The following LRRC37A2 variants were observed in gnomAD, a reference collection of about 807,000 sequenced individuals.
LRRC37A2 encodes leucine rich repeat containing 37 member A2, also known as leucine-rich repeat-containing protein 37A2.
A neutral mutation model predicts 68.8 loss-of-function variants in LRRC37A2; 9 were observed. The ratio of observed to expected loss-of-function variants is 0.13; its 90% CI spans 0.08 to 0.23. LRRC37A2 has a LOEUF of 0.23. Among genes scored for constraint, LRRC37A2 ranks in the 10% least tolerant of loss-of-function variants. The pLI, the probability that LRRC37A2 is intolerant of heterozygous loss-of-function variation, is 1.00. For synonymous variants in LRRC37A2, 63 were observed against 367.6 expected (o/e 0.17, Z 9.48); for missense variants, 168 against 950.4 (o/e 0.18, Z 10.82).
At chr17:47,006,757 G>A in the LRRC37A2 span, among the ~76,000 whole-genome samples, 3 of 152,174 alleles carry the variant, frequency 2.0e-5, no homozygotes, top group Non-Finnish European at 2.9e-5. Flanking sequence ...CCTTATCTTC[G>A]GTCTATGGGA....
At chr17:47,001,868 C>T in the LRRC37A2 span, among the ~76,000 whole-genome samples, 2 of 151,822 alleles carry the variant, frequency 1.3e-5, no homozygotes, top group Non-Finnish European at 1.5e-5. Context: ...ACTACAGGCA[C>T]CTGCCACCAC....
the LRRC37A2 span, among the ~76,000 whole-genome samples, chr17:46,867,518 G>A: frequency 2.6e-5 from 4 of 152,260 alleles, no homozygotes; most frequent in Non-Finnish European, 5.9e-5. Flanking sequence ...TGGGGCATGA[G>A]ATCCTTGGGC....
the LRRC37A2 span, among the ~76,000 whole-genome samples, chr17:46,896,405 AG>A: frequency 1.4e-5 from 1 of 72,070 alleles, no homozygotes; most frequent in African/African-American, 1.2e-4. Context: ...AAAGAAAGAA[AG>A]AAAGAAAGAA....
chr17:46,750,326 C>A, the LRRC37A2 span, among the ~76,000 whole-genome samples: 426 of 152,290 alleles, frequency 2.8e-3, 2 homozygotes, highest in African/African-American at 9.7e-3. Context: ...GCACTCCAGT[C>A]TGGGTGAGGG....
At chr17:46,865,450 G>A in the LRRC37A2 span, among the ~76,000 whole-genome samples, 18 of 152,278 alleles carry the variant, frequency 1.2e-4, no homozygotes, top group Admixed American at 6.5e-4. Context: ...CTCCAGCGGG[G>A]AAGTGTGGCC....
chr17:46,974,394 A>G, the LRRC37A2 span, among the ~76,000 whole-genome samples: 1 of 152,242 alleles, frequency 6.6e-6, no homozygotes, highest in Non-Finnish European at 1.5e-5. Context: ...TAAACAGGAA[A>G]TTAGAGGAGC....
At chr17:46,536,926 C>T (rs1430084080) in intron 6 of LRRC37A2, among the ~76,000 whole-genome samples, 1 of 8,882 alleles carries the variant, frequency 1.1e-4, no homozygotes, top group Non-Finnish European at 1.6e-4. Context: ...TTTTCCAAGG[C>T]GACTACTGAG....
the LRRC37A2 span, among the ~76,000 whole-genome samples, chr17:46,774,323 A>G: frequency 6.6e-6 from 1 of 152,252 alleles, no homozygotes; most frequent in Non-Finnish European, 1.5e-5. Flanking sequence ...CTGGGGCCAC[A>G]TGGACACTTC....
chr17:46,403,561 A>G, the LRRC37A2 span, among the ~76,000 whole-genome samples: 1 of 84,790 alleles, frequency 1.2e-5, no homozygotes, highest in Middle Eastern at 8.6e-3. Context: ...CCCAGAGTAT[A>G]GGAAGATTCT....
chr17:47,022,616 T>C, the LRRC37A2 span, among the ~76,000 whole-genome samples: 3 of 152,360 alleles, frequency 2.0e-5, no homozygotes, highest in African/African-American at 7.2e-5. Context: ...ACATACATAT[T>C]TACATAAAGC....
At chr17:46,922,869 T>C in the LRRC37A2 span, 5 of 457,572 alleles carry the variant, frequency 1.1e-5, no homozygotes, top group African/African-American at 2.0e-5. Context: ...TCAACTTTGC[T>C]CTGAGGACCT....
the LRRC37A2 span, among the ~76,000 whole-genome samples, chr17:46,781,322 G>A: frequency 6.6e-6 from 1 of 151,518 alleles, no homozygotes; most frequent in Admixed American, 6.6e-5. Context: ...ACAGAAGCCA[G>A]ACACGGAAGA....
the LRRC37A2 span, among the ~76,000 whole-genome samples, chr17:46,960,745 C>A: frequency 6.6e-6 from 1 of 152,014 alleles, no homozygotes; most frequent in African/African-American, 2.4e-5. Flanking sequence ...GTGTGAGAAG[C>A]CAGATGGAAA....
At chr17:46,858,937 G>T in the LRRC37A2 span, among the ~76,000 whole-genome samples, 1 of 150,540 alleles carries the variant, frequency 6.6e-6, no homozygotes, top group Non-Finnish European at 1.5e-5. Flanking sequence ...AAACTGCTGG[G>T]ATTATTGGCA....
chr17:46,974,553 T>C, the LRRC37A2 span, among the ~76,000 whole-genome samples: 2 of 152,056 alleles, frequency 1.3e-5, no homozygotes, highest in Admixed American at 6.6e-5. Context: ...GCTAACACGG[T>C]GAAACCCCGT....
chr17:47,012,198 CTA>C, the LRRC37A2 span, among the ~76,000 whole-genome samples: 6 of 152,248 alleles, frequency 3.9e-5, no homozygotes, highest in South Asian at 1.2e-3. Context: ...CAGCTCCACA[CTA>C]TGTATCTTTT....
At chr17:46,805,682 T>C in the LRRC37A2 span, among the ~76,000 whole-genome samples, 1 of 152,156 alleles carries the variant, frequency 6.6e-6, no homozygotes, top group African/African-American at 2.4e-5. Flanking sequence ...CCCCAGGAGA[T>C]TGAGGCTACA....
At chr17:46,768,823 G>A in the LRRC37A2 span, 1 of 1,609,488 alleles carries the variant, frequency 6.2e-7, no homozygotes, top group Non-Finnish European at 8.5e-7. This position sits in a 1 kb window ranked among gnomAD's most constrained non-coding sequence, Gnocchi z 5.0. Flanking sequence ...GTGGCAGCTG[G>A]CCAACAGACC....
At chr17:46,944,282 G>T in the LRRC37A2 span, among the ~76,000 whole-genome samples, 1 of 152,256 alleles carries the variant, frequency 6.6e-6, no homozygotes, top group Non-Finnish European at 1.5e-5. Context: ...GCGGCCGGAG[G>T]CTGTGGTAAG....
Sources: gnomAD v4.1 joint callset for allele counts (sites outside exome capture counted in the v4.1 genomes callset) on GRCh38, gnomAD v4.1.1 for gene constraint, Gnocchi (gnomAD v3.1) non-coding constraint, MANE v1.5 for transcripts, NCBI Gene and HGNC (gene_info 2026-07-23, HGNC 2026-07-21) for gene names.